RNF217: variants seen among roughly 807,000 people sequenced by gnomAD.
RNF217 encodes E3 ubiquitin-protein ligase RNF217.
Under a neutral mutation model 57.8 loss-of-function variants are expected in RNF217, and 31 were observed. The ratio of observed to expected loss-of-function variants is 0.54; its 90% CI spans 0.40 to 0.72. RNF217 has a LOEUF of 0.72. RNF217 is among the 30% of genes least tolerant of loss of function. The probability of loss-of-function intolerance (pLI) is 0.00; values close to 1 mark genes in which losing one functional copy is unlikely to be tolerated. For missense variants in RNF217, 696 were observed against 708.3 expected, an observed-to-expected ratio of 0.98 and a Z score of 0.20; for synonymous variants, 313 against 294.0, an observed-to-expected ratio of 1.06 and a Z score of -0.66.
chr6:125,031,243 C>T (rs1000478500), intron 1 of RNF217, among the ~76,000 whole-genome samples: 20 of 152,332 alleles, frequency 1.3e-4, no homozygotes, highest in African/African-American at 4.1e-4. Context: ...CTAGGAGCTG[C>T]GATGAAGGCC....
chr6:124,995,699 A>G (rs1012945580), intron 1 of RNF217, among the ~76,000 whole-genome samples: 2 of 152,076 alleles, frequency 1.3e-5, no homozygotes, highest in Non-Finnish European at 2.9e-5. Context: ...AGGTGGGTGG[A>G]TCACCTGAGG....
chr6:124,967,178 C>A (rs1783575571), intron 1 of RNF217, among the ~76,000 whole-genome samples: 1 of 152,180 alleles, frequency 6.6e-6, no homozygotes, highest in South Asian at 2.1e-4. Context: ...TTCCCAGTGA[C>A]CTGTGTATGC....
At chr6:125,082,754 C>CAAG (rs1788620638) in intron 5 of RNF217, 110 bp from the exon 6 acceptor site, 1 of 1,144,060 alleles carries the variant, frequency 8.7e-7, no homozygotes, top group African/African-American at 1.6e-5. Flanking sequence ...GCATAGATGT[C>CAAG]TTCTTCTTTG....
chr6:125,026,545 C>G (rs574236137), intron 1 of RNF217, among the ~76,000 whole-genome samples: 1 of 152,120 alleles, frequency 6.6e-6, no homozygotes, highest in Non-Finnish European at 1.5e-5. Context: ...AGAGCGTAAA[C>G]GTGTCATCAG....
rs1003720686 is a variant in RNF217 at position 125,092,440 on chromosome 6, A to T, written c.*9503A>T. 3 of 152,202 alleles carry T rather than the reference A, an allele frequency of 2.0e-5. No homozygotes were observed. The highest frequency in any genetic ancestry group is 7.2e-5 in the African/African-American group (3 of 41,450). The allele number at this position is 152,202 out of a possible 1,614,324, so 9.4% of individuals were successfully genotyped here. ...GTAGAATGGAAGAGTAATCTTAATT[A>T]TGAAATCAGATTGCATGGAAGAATA... On this transcript the variant is annotated 3_prime_UTR_variant, in exon 6 of 6. Transcript: ENST00000521654.
intron 1 of RNF217, among the ~76,000 whole-genome samples, chr6:125,014,082 A>C (rs1245814046): frequency 1.3e-5 from 2 of 152,196 alleles, no homozygotes; most frequent in Non-Finnish European, 1.5e-5. Context: ...TAGTGTGTAC[A>C]CACATACAGA....
intron 1 of RNF217, among the ~76,000 whole-genome samples, chr6:125,033,696 T>C (rs1786468932): frequency 6.6e-6 from 1 of 152,056 alleles, no homozygotes. Context: ...TTATAGTCCT[T>C]TGGGTATATA....
chr6:124,963,188 C>G lies in RNF217; in HGVS notation c.644C>G (p.Ser215Cys), dbSNP rs1350388489. Residue 215 changes from serine (S) to cysteine (C), a missense_variant, in exon 1 of 6, where the codon TCC (serine) becomes TGC (cysteine). Around this residue, in one of 2 missense-constraint regions of RNF217, gnomAD observed 465 missense variants for 386.8 expected, o/e 1.20. Transcript: ENST00000521654. The stretch of plus-strand genomic sequence containing the variant: ...CCCCGACTGTCCCTCCCAACGGATT[C>G]CCTCTCCCCCGACGGCGGCAGCATC... ...PSPRLSLPTD[S>C]LSPDGGSIEL... is the part of the protein sequence containing the mutation. 65 of 1,535,924 alleles carry G rather than the reference C, an allele frequency of 4.2e-5. No individual in the cohort carries two copies. Among genetic ancestry groups the G allele is most frequent in the Non-Finnish European group, 5.4e-5 (62 of 1,146,904 alleles).
chr6:124,993,748 G>T (rs931932683), intron 1 of RNF217, among the ~76,000 whole-genome samples: 1 of 152,158 alleles, frequency 6.6e-6, no homozygotes, highest in Non-Finnish European at 1.5e-5. Context: ...GGAATAGTGA[G>T]GCCTCAGATG....
intron 1 of RNF217, among the ~76,000 whole-genome samples, chr6:124,970,991 T>A (rs1179140717): frequency 1.3e-5 from 2 of 152,166 alleles, no homozygotes; most frequent in Non-Finnish European, 2.9e-5. Flanking sequence ...TTGGCAGCCA[T>A]GGGATGGTTT....
chr6:125,077,255 G>A (rs1788412253), intron 4 of RNF217, among the ~76,000 whole-genome samples: 1 of 152,106 alleles, frequency 6.6e-6, no homozygotes, highest in Non-Finnish European at 1.5e-5. Flanking sequence ...AGTACAGCAT[G>A]GAGCGTAGCC....
At position 124,962,980 on chromosome 6, in the gene RNF217, G is replaced by C. The variant is rs1783355154; in HGVS notation, c.436G>C (p.Val146Leu). The C allele has an allele frequency of 6.3e-7, 1 of 1,597,100 alleles. No homozygotes were observed. The highest frequency in any genetic ancestry group is 8.5e-7 in the Non-Finnish European group (1 of 1,179,326). The change falls in exon 1 of 6, where the codon GTC becomes CTC. Residue 146 changes from valine to leucine, a missense_variant. By Grantham distance (32) the Val-to-Leu change is conservative. This residue lies in a region of RNF217 where 465 missense variants were observed against 386.8 expected (regional missense o/e 1.20). Transcript: ENST00000521654. The surrounding 1 kb of genome is among the most constrained non-coding windows in gnomAD (Gnocchi z 4.6). Reference protein sequence around the residue: ...RTRVGAADGLVLDVLGQRRPS... With the variant: ...RTRVGAADGLLLDVLGQRRPS... ...CCGCGTGGGGGCCGCCGACGGACTG[G>C]TCCTGGACGTGCTGGGTCAGCGGCG...
At chr6:124,987,687 G>C (rs892159146) in intron 1 of RNF217, among the ~76,000 whole-genome samples, 112 of 151,954 alleles carry the variant, frequency 7.4e-4, no homozygotes, top group African/African-American at 2.7e-3. Context: ...TGTTGTCCAG[G>C]CTGGCTTTGA....
In RNF217 at chr6:125,088,959, A is replaced by G. The variant is rs569417453; in HGVS notation, c.*6022A>G. 1 of 152,494 alleles carries G rather than the reference A, an allele frequency of 6.6e-6. No individual in the cohort carries two copies. The highest frequency in any genetic ancestry group is 1.5e-5 in the Non-Finnish European group (1 of 67,988). The allele number at this position is 152,494 out of a possible 1,614,324, so 9.4% of individuals were successfully genotyped here. A position where few individuals can be genotyped will look rare whatever the true frequency, so the allele number is the denominator to read the frequency against. ...TTTTTGCCTCTGCAGTCTTCTTCCCATCTTGGCCAAGTGTGGGATAAATTC... is the reference window on the plus strand; with the variant it reads ...TTTTTGCCTCTGCAGTCTTCTTCCCGTCTTGGCCAAGTGTGGGATAAATTC... On this transcript the variant is annotated 3_prime_UTR_variant, in exon 6 of 6. Transcript: ENST00000521654.
At chr6:124,995,914 C>G (rs1195683482) in intron 1 of RNF217, among the ~76,000 whole-genome samples, 1 of 151,546 alleles carries the variant, frequency 6.6e-6, no homozygotes, top group African/African-American at 2.4e-5. Context: ...GAGCAAGACT[C>G]TTGTCTCAAA....
chr6:125,042,475 G>A (rs1786920595), intron 1 of RNF217, among the ~76,000 whole-genome samples: 1 of 152,178 alleles, frequency 6.6e-6, no homozygotes. Context: ...AAAATATGAG[G>A]TCTTTGGTTC....
chr6:125,064,523 T>A (rs1787862773), intron 3 of RNF217, among the ~76,000 whole-genome samples: 1 of 152,116 alleles, frequency 6.6e-6, no homozygotes, highest in Non-Finnish European at 1.5e-5. Context: ...AAAATAGAAA[T>A]AAGTGAAAAT....
At chr6:125,002,562 AT>A (rs950891029) in intron 1 of RNF217, among the ~76,000 whole-genome samples, 18 of 152,014 alleles carry the variant, frequency 1.2e-4, no homozygotes, top group African/African-American at 3.9e-4. Context: ...TCCCCAAAGA[AT>A]TTTTTTAACC....
chr6:124,968,403 C>A (rs1334712117), intron 1 of RNF217, among the ~76,000 whole-genome samples: 1 of 151,928 alleles, frequency 6.6e-6, no homozygotes, highest in Non-Finnish European at 1.5e-5. Context: ...CTTACTCATT[C>A]CATTATTTTC....
Sources: gnomAD v4.1 joint callset for allele counts (sites outside exome capture counted in the v4.1 genomes callset) on GRCh38, gnomAD v4.1.1 for gene constraint, gnomAD v4.1.1 regional missense constraint, Gnocchi (gnomAD v3.1) non-coding constraint, MANE v1.5 for transcripts, NCBI Gene and HGNC (gene_info 2026-07-23, HGNC 2026-07-21) for gene names.